The following TRIO variants were observed in gnomAD, a reference collection of about 807,000 sequenced individuals.
TRIO encodes the protein triple functional domain protein.
A neutral mutation model predicts 351.9 loss-of-function variants in TRIO; 58 were observed. The observed-to-expected ratio is 0.16, with a 90% CI of 0.13 to 0.21. The LOEUF is 0.21. Among genes scored for constraint, TRIO ranks in the 10% least tolerant of loss-of-function variants. TRIO has a pLI of 1.00. For missense variants in TRIO, 3,201 were observed against 4,027.8 expected, an observed-to-expected ratio of 0.79 and a Z score of 5.56; for synonymous variants, 1,758 against 1,595.7, an observed-to-expected ratio of 1.10 and a Z score of -2.42.
intron 1 of TRIO, among the ~76,000 whole-genome samples, chr5:14,202,845 A>C (rs1174715567): frequency 6.6e-6 from 1 of 151,510 alleles, no homozygotes; most frequent in Non-Finnish European, 1.5e-5. Context: ...CTGTGAGTCC[A>C]TTAAACCTCT....
At position 14,143,350 on chromosome 5, in the gene TRIO, C is replaced by G. The variant is rs1171622281; in HGVS notation, c.-376C>G. Among the ~76,000 whole-genome samples the G allele has an allele frequency of 1.3e-5, 2 of 151,420 alleles. No individual in the cohort carries two copies. Among genetic ancestry groups the G allele is most frequent in the African/African-American group, 2.4e-5 (1 of 41,318 alleles). On this transcript the variant is annotated 5_prime_UTR_variant, in exon 1 of 57. In the 5' UTR this introduces an upstream ATG that the reference lacks. Coordinates refer to ENST00000344204, the MANE Select transcript of TRIO (RefSeq NM_007118.4). ...CCCCTCCTTCCTTCCCCATTGAAAT[C>G]AAGATGGAGGCTCGCGGCAGCCGCC...
chr5:14,455,775 G>C (rs1008067028), intron 34 of TRIO, among the ~76,000 whole-genome samples: 1 of 152,262 alleles, frequency 6.6e-6, no homozygotes, highest in African/African-American at 2.4e-5. Context: ...CAATCCTCCA[G>C]CTAGACATAA....
intron 1 of TRIO, among the ~76,000 whole-genome samples, chr5:14,189,721 G>T (rs1285407596): frequency 6.7e-6 from 1 of 150,156 alleles, no homozygotes. Flanking sequence ...GAATGTCTTC[G>T]TTTTAACTTT....
At chr5:14,406,020 T>C in intron 32 of TRIO, 30 bp downstream of exon 32, 1 of 1,604,792 alleles carries the variant, frequency 6.2e-7, no homozygotes, top group Non-Finnish European at 8.5e-7. Context: ...TGGAGGTTTG[T>C]GGATGTGGGA....
chr5:14,183,371 G>A (rs1789909200), intron 1 of TRIO, among the ~76,000 whole-genome samples: 1 of 152,040 alleles, frequency 6.6e-6, no homozygotes, highest in South Asian at 2.1e-4. Flanking sequence ...TAAGTATGCA[G>A]TAAACATATG....
At position 14,436,380 on chromosome 5, in the gene TRIO, C is replaced by T. The variant is rs1300895700; in HGVS notation, c.5203+16359C>T. On this transcript the variant is annotated intron_variant, in intron 34 of 56. Transcript: ENST00000344204. Reference sequence around the variant, plus strand: ...GATTCAATTACTTCCCACCAGGTCCCTCCCACAACACGTGGGAATTCAAGA... The same window carrying T: ...GATTCAATTACTTCCCACCAGGTCCTTCCCACAACACGTGGGAATTCAAGA... 2.0e-5 allele frequency among the ~76,000 whole-genome samples: 3 copies of T among 152,316 alleles called. No homozygotes were observed. The East Asian group carries it at 5.8e-4, about 29-fold the overall frequency.
chr5:14,481,463 C>A lies in TRIO; in HGVS notation c.6388-78C>A, dbSNP rs569897822. 221 of 1,551,430 alleles carry A rather than the reference C, an allele frequency of 1.4e-4. No homozygotes were observed. In the Middle Eastern group the frequency reaches 1.7e-3, roughly 12 times the overall value. On this transcript the variant is annotated intron_variant, in intron 44 of 56. Transcript: ENST00000344204. Reference sequence around the variant, plus strand: ...AGGGTGGGGAGGAAGAACAGAACTTCATCAGGTCAGAGGGTGAGCACGTCA... The same window carrying A: ...AGGGTGGGGAGGAAGAACAGAACTTAATCAGGTCAGAGGGTGAGCACGTCA...
intron 27 of TRIO, among the ~76,000 whole-genome samples, chr5:14,391,384 A>G (rs1215787628): frequency 1.3e-5 from 2 of 152,378 alleles, no homozygotes; most frequent in East Asian, 1.9e-4. Flanking sequence ...ACAAAAATAA[A>G]TGTGAATCTT....
intron 11 of TRIO, among the ~76,000 whole-genome samples, chr5:14,356,933 T>A (rs1338616835): frequency 6.6e-6 from 1 of 152,050 alleles, no homozygotes; most frequent in Non-Finnish European, 1.5e-5. Context: ...CAAGGTAATC[T>A]CCAGTGGCTG....
chr5:14,375,465 T>G (rs1745474299), intron 19 of TRIO, among the ~76,000 whole-genome samples: 2 of 152,218 alleles, frequency 1.3e-5, no homozygotes, highest in South Asian at 4.1e-4. Context: ...TCGTTAGATC[T>G]TCATTATGCC....
At chr5:14,353,440 T>G (rs1743321345) in intron 11 of TRIO, among the ~76,000 whole-genome samples, 1 of 151,970 alleles carries the variant, frequency 6.6e-6, no homozygotes, top group African/African-American at 2.4e-5. Context: ...TTTTTTGTAT[T>G]TTTAGTAGAG....
intron 10 of TRIO, among the ~76,000 whole-genome samples, chr5:14,335,649 T>G (rs1741334598): frequency 6.6e-6 from 1 of 152,206 alleles, no homozygotes; most frequent in Admixed American, 6.5e-5. Context: ...TTTAGAGCCA[T>G]TATAGTTATT....
At chr5:14,143,934 C>T (rs1787329716) in intron 1 of TRIO, 52 bp downstream of exon 1, 39 of 1,034,950 alleles carry the variant, frequency 3.8e-5, no homozygotes, top group Admixed American at 5.7e-5. Flanking sequence ...AAGCGCTCGG[C>T]CGACCCGCCG....
At chr5:14,453,414 T>C (rs1480373940) in intron 34 of TRIO, among the ~76,000 whole-genome samples, 1 of 152,256 alleles carries the variant, frequency 6.6e-6, no homozygotes, top group Admixed American at 6.5e-5. Flanking sequence ...ATGTTAGGCC[T>C]GCAGTTACAA....
intron 11 of TRIO, among the ~76,000 whole-genome samples, chr5:14,343,870 G>A (rs1183770323): frequency 1.3e-5 from 2 of 152,170 alleles, no homozygotes; most frequent in African/African-American, 4.8e-5. Context: ...GCGTACCATG[G>A]TACATTACCA....
At chr5:14,351,944 C>CG (rs1410598743) in intron 11 of TRIO, among the ~76,000 whole-genome samples, 1 of 152,228 alleles carries the variant, frequency 6.6e-6, no homozygotes, top group Non-Finnish European at 1.5e-5. Flanking sequence ...TCCTCTGTGG[C>CG]GGGGTCTCCC....
chr5:14,387,837 C>G lies in TRIO; in HGVS notation c.3871C>G (p.Arg1291Gly). ...TAATGAAGAGAAGCGGAAATCTGCC[C>G]GCAGGAAAGAGTAAGCCAGTCTTTC... Reference protein sequence around the residue: ...ELNEEKRKSARRKEFIMAELI... With the variant: ...ELNEEKRKSAGRKEFIMAELI... Residue 1291 changes from arginine to glycine, a missense_variant, in exon 23 of 57, where the codon CGC (arginine) becomes GGC (glycine). Physicochemically the swap from Arg to Gly is moderately radical, Grantham distance 125. Around this residue, in one of 19 missense-constraint regions of TRIO, gnomAD observed 201 missense variants for 266.5 expected, o/e 0.75. Transcript: ENST00000344204. The G allele has an allele frequency of 6.2e-7, 1 of 1,613,836 alleles. No homozygotes were observed. Among genetic ancestry groups the G allele is most frequent in the Non-Finnish European group, 8.5e-7 (1 of 1,179,928 alleles).
chr5:14,295,397 C>T (rs765734212), intron 6 of TRIO, among the ~76,000 whole-genome samples: 4 of 152,162 alleles, frequency 2.6e-5, no homozygotes, highest in African/African-American at 4.8e-5. Flanking sequence ...CCACCATACT[C>T]GTTTATGTGT....
At position 14,509,700 on chromosome 5, in the gene TRIO, G is replaced by A. The variant is rs1050183741; in HGVS notation, c.*1278G>A. The A allele has an allele frequency of 1.8e-4, 59 of 322,840 alleles. No homozygotes were observed. Among genetic ancestry groups the A allele is most frequent in the Middle Eastern group, 1.1e-3 (1 of 892 alleles). The allele number at this position is 322,840 out of a possible 1,614,324, so 20.0% of individuals were successfully genotyped here. A position where few individuals can be genotyped will look rare whatever the true frequency, so the allele number is the denominator to read the frequency against. ...AAGCCGATTAAGCACTGGCCGCCCC[G>A]CGGCTGGTACCCAATGCCCGAGTCA... is the stretch of plus-strand genomic sequence containing the variant. On this transcript the variant is annotated 3_prime_UTR_variant, in exon 57 of 57. Transcript: ENST00000344204.
Sources: allele counts gnomAD v4.1 joint callset (sites outside exome capture counted in the v4.1 genomes callset), GRCh38; gene constraint gnomAD v4.1.1; regional missense constraint gnomAD v4.1.1; transcripts MANE v1.5; gene names NCBI Gene and HGNC (gene_info 2026-07-23, HGNC 2026-07-21).